PIAS2: variants seen among roughly 807,000 people sequenced by gnomAD.
PIAS2 encodes protein inhibitor of activated STAT 2.
A neutral mutation model predicts 69.7 loss-of-function variants in PIAS2; 19 were observed. The observed-to-expected ratio is 0.27, with a 90% CI of 0.19 to 0.40. PIAS2 has a LOEUF of 0.40. PIAS2 is among the 10% of genes least tolerant of loss of function. The pLI is 1.00. For synonymous variants in PIAS2, 261 were observed against 263.2 expected, an observed-to-expected ratio of 0.99 and a Z score of 0.08; for missense variants, 624 against 757.0, an observed-to-expected ratio of 0.82 and a Z score of 2.06.
At chr18:46,888,753 A>G (rs1175821175) in intron 2 of PIAS2, among the ~76,000 whole-genome samples, 1 of 152,166 alleles carries the variant, frequency 6.6e-6, no homozygotes, top group African/African-American at 2.4e-5. Flanking sequence ...ATGAGAATCT[A>G]ATGCCACTGC....
chr18:46,891,694 T>G lies in PIAS2; in HGVS notation c.25-640A>C, dbSNP rs570577656. ...AACAACTGAAATTCCCAGCTGGGTA[T>G]CCAAATGAGAAAAAGACCTTTGAAG... On this transcript the variant is annotated intron_variant, in intron 1 of 13. Transcript: ENST00000585916. 6.3e-6 allele frequency: 6 copies of G among 956,526 alleles called. No individual in the cohort carries two copies. The South Asian group carries it at 1.4e-4, about 23-fold the overall frequency. 59.3% of individuals were successfully genotyped at this position (956,526 alleles called of 1,614,324 possible). A position where few individuals can be genotyped will look rare whatever the true frequency, so the allele number is the denominator to read the frequency against.
At chr18:46,818,308 A>G in intron 12 of PIAS2, 1 of 1,418,820 alleles carries the variant, frequency 7.0e-7, no homozygotes, top group Non-Finnish European at 9.3e-7. Flanking sequence ...ATAATAAGGC[A>G]GTCATATTTT....
chr18:46,808,211 A>G lies in PIAS2; in HGVS notation c.*4222T>C, dbSNP rs1363705733. The stretch of plus-strand genomic sequence containing the variant: ...CTGAGAATGATGAAACTAAGTAAAA[A>G]TATGCAGAAGTAGCAAAGACAATGG... On this transcript the variant is annotated 3_prime_UTR_variant, in exon 14 of 14. Coordinates refer to ENST00000585916, the MANE Select transcript of PIAS2 (RefSeq NM_004671.5). 6.6e-6 allele frequency: 1 copy of G among 152,230 alleles called. No individual in the cohort carries two copies. The highest frequency in any genetic ancestry group is 2.4e-5 in the African/African-American group (1 of 41,470). The allele number at this position is 152,230 out of a possible 1,614,324, so 9.4% of individuals were successfully genotyped here. A position where few individuals can be genotyped will look rare whatever the true frequency, so the allele number is the denominator to read the frequency against.
rs1040785419 is a variant in PIAS2 at position 46,820,789 on chromosome 18, A to G, written c.1648+144T>C. On this transcript the variant is annotated intron_variant, in intron 12 of 13. Coordinates refer to ENST00000585916, the MANE Select transcript of PIAS2 (RefSeq NM_004671.5). ...AATAACAACTGGATGTGATGTATAAAAACAGATAAGACCTTTACCCGAAGC... is the reference window on the plus strand; with the variant it reads ...AATAACAACTGGATGTGATGTATAAGAACAGATAAGACCTTTACCCGAAGC... 1.3e-5 allele frequency: 8 copies of G among 616,346 alleles called. No individual in the cohort carries two copies. The African/African-American group carries it at 1.5e-4, about 12-fold the overall frequency. 38.2% of individuals were successfully genotyped at this position (616,346 alleles called of 1,614,324 possible).
intron 1 of PIAS2, chr18:46,903,587 T>C (rs2056191408): frequency 6.6e-6 from 1 of 152,194 alleles, no homozygotes; most frequent in African/African-American, 2.4e-5. Context: ...GCTGAGAAAC[T>C]GGATCACTCC....
intron 8 of PIAS2, among the ~76,000 whole-genome samples, chr18:46,841,655 TTCATTCTTTTC>T (rs2045406286): frequency 6.6e-6 from 1 of 152,210 alleles, no homozygotes; most frequent in Non-Finnish European, 1.5e-5. Context: ...AAGAGTAGCA[TTCATTCTTTTC>T]TTAGAAAGTG....
Position 46,855,997 on chromosome 18 carries a change from G to GTTTTT in PIAS2, c.585-387_585-383dup, listed in dbSNP as rs1171297653. On this transcript the variant is annotated intron_variant, in intron 3 of 13. Coordinates refer to ENST00000585916, the MANE Select transcript of PIAS2 (RefSeq NM_004671.5). Reference sequence around the variant, plus strand: ...TTGAAGACTTTTTTCTTTTTCTTTTGTTTTTTTTTTTTTTTTTTTTTTTTT... The same window carrying GTTTTT: ...TTGAAGACTTTTTTCTTTTTCTTTTGTTTTTTTTTTTTTTTTTTTTTTTTTTTTTT... Among the ~76,000 whole-genome samples, 81 of 67,958 alleles carry GTTTTT rather than the reference G, an allele frequency of 1.2e-3. 10 individuals are homozygous for GTTTTT. Among genetic ancestry groups the GTTTTT allele is most frequent in the African/African-American group, 3.2e-3 (53 of 16,680 alleles). The allele number at this position is 67,958 out of a possible 152,430, so 44.6% of individuals were successfully genotyped here. A position where few individuals can be genotyped will look rare whatever the true frequency, so the allele number is the denominator to read the frequency against.
In PIAS2 at chr18:46,883,847, T is replaced by A. The variant is rs557540187; in HGVS notation, c.499+6733A>T. ...TGACCCTCTCTCAATAAATAATAAA[T>A]AAATTAAAATCAGTCAGGTGTGGTG... On this transcript the variant is annotated intron_variant, in intron 2 of 13. Coordinates refer to ENST00000585916, the MANE Select transcript of PIAS2 (RefSeq NM_004671.5). 1.5e-3 allele frequency among the ~76,000 whole-genome samples: 230 copies of A among 152,084 alleles called. 5 individuals are homozygous for A. In the South Asian group the frequency reaches 0.043, roughly 29 times the overall value.
At chr18:46,846,982 A>T in intron 5 of PIAS2, 141 bp from the exon 6 acceptor site, 3 of 607,978 alleles carry the variant, frequency 4.9e-6, no homozygotes, top group Middle Eastern at 4.6e-4. Flanking sequence ...CCTTATGATC[A>T]TTATCAACCC....
rs753219928 is a variant in PIAS2, at chr18:46,890,731, A to G, written c.348T>C (p.Ser116=). 4.3e-6 allele frequency: 7 copies of G among 1,614,186 alleles called. No individual in the cohort carries two copies. In the South Asian group the frequency reaches 7.7e-5, roughly 18 times the overall value. ...CTTGAAGCAGCACAGAACCAACAGG[A>G]GAGGATGGTGAGTGAGGTGTAACTG... is the stretch of plus-strand genomic sequence containing the variant. ...STSVTPHSPS[S]PVGSVLLQDT... Residue 116 remains serine (S), a synonymous_variant, in exon 2 of 14, where the codon TCT becomes TCC. Coordinates refer to ENST00000585916, the MANE Select transcript of PIAS2 (RefSeq NM_004671.5).
At chr18:46,895,656 G>C (rs1257349403) in intron 1 of PIAS2, among the ~76,000 whole-genome samples, 1 of 152,182 alleles carries the variant, frequency 6.6e-6, no homozygotes, top group Non-Finnish European at 1.5e-5. Flanking sequence ...GGGTGACAGA[G>C]TGAGACTCCA....
At chr18:46,897,478 G>A (rs949057711) in intron 1 of PIAS2, among the ~76,000 whole-genome samples, 20 of 152,090 alleles carry the variant, frequency 1.3e-4, no homozygotes, top group African/African-American at 4.6e-4. Flanking sequence ...GATTCAAACC[G>A]ATTAAATATA....
At position 46,866,764 on chromosome 18, in the gene PIAS2, T is replaced by C. The variant is rs534153393; in HGVS notation, c.500-2516A>G. Among the ~76,000 whole-genome samples the C allele has an allele frequency of 3.3e-5, 5 of 152,182 alleles. No homozygotes were observed. In the South Asian group the frequency reaches 1.0e-3, roughly 32 times the overall value. On this transcript the variant is annotated intron_variant, in intron 2 of 13. Coordinates refer to ENST00000585916, the MANE Select transcript of PIAS2 (RefSeq NM_004671.5). ...GGAAATTATCTCCCCAACAGTTGTG[T>C]TTCCTGCTTTTTTCTGATAAACCTG...
chr18:46,817,036 A>T (rs1191262758), intron 12 of PIAS2: 1 of 937,604 alleles, frequency 1.1e-6, no homozygotes, highest in East Asian at 1.2e-4. Context: ...ATTATTAAGT[A>T]AAAAAAGTTT....
chr18:46,906,694 A>G (rs1003358826), intron 1 of PIAS2, among the ~76,000 whole-genome samples: 10 of 151,112 alleles, frequency 6.6e-5, no homozygotes, highest in African/African-American at 1.2e-4. Flanking sequence ...ACTTAGCAGC[A>G]AAATGTAATT....
chr18:46,859,177 C>G (rs1387705929), intron 3 of PIAS2, among the ~76,000 whole-genome samples: 2 of 152,004 alleles, frequency 1.3e-5, no homozygotes, highest in Non-Finnish European at 2.9e-5. Context: ...GCCCATAATC[C>G]CAGCACTTTG....
At chr18:46,877,671 G>A (rs548240098) in intron 2 of PIAS2, among the ~76,000 whole-genome samples, 98 of 152,204 alleles carry the variant, frequency 6.4e-4, no homozygotes, top group African/African-American at 2.2e-3. Flanking sequence ...TGTGCAGTCT[G>A]ACTCCAGCCA....
chr18:46,870,651 C>T (rs532090699), intron 2 of PIAS2, among the ~76,000 whole-genome samples: 2 of 140,606 alleles, frequency 1.4e-5, no homozygotes, highest in East Asian at 2.1e-4. Flanking sequence ...AAAAGGAACT[C>T]GAGTCATTAT....
chr18:46,907,339 T>G (rs1216193619), intron 1 of PIAS2, among the ~76,000 whole-genome samples: 1 of 152,194 alleles, frequency 6.6e-6, no homozygotes, highest in East Asian at 1.9e-4. Flanking sequence ...ACATCATTAC[T>G]TATTAGGGAG....
Sources: allele counts gnomAD v4.1 joint callset (sites outside exome capture counted in the v4.1 genomes callset), GRCh38; gene constraint gnomAD v4.1.1; transcripts MANE v1.5; gene names NCBI Gene and HGNC (gene_info 2026-07-23, HGNC 2026-07-21).